Variants in PITPNM3 observed in about 807,000 individuals in gnomAD.
PITPNM3 encodes the protein PITPNM family member 3.
In PITPNM3, 26 loss-of-function variants were observed where a neutral mutation model predicts 102.0. The ratio of observed to expected loss-of-function variants is 0.25; its 90% CI spans 0.19 to 0.35. The LOEUF (loss-of-function observed/expected upper bound fraction) is 0.35, where lower values mean the gene tolerates loss of function less well. PITPNM3 is among the 10% of genes least tolerant of loss of function. PITPNM3 has a pLI of 1.00. For synonymous variants in PITPNM3, 578 were observed against 558.6 expected, an observed-to-expected ratio of 1.03 and a Z score of -0.49; for missense variants, 1,083 against 1,346.1, an observed-to-expected ratio of 0.80 and a Z score of 3.06.
Position 6,470,543 on chromosome 17 carries a change from C to T in PITPNM3, c.1625-135G>A, listed in dbSNP as rs1371617266. 8.6e-7 allele frequency: 1 copy of T among 1,169,444 alleles called. No individual in the cohort carries two copies. Among genetic ancestry groups the T allele is most frequent in the East Asian group, 2.4e-5 (1 of 40,990 alleles). 72.4% of individuals were successfully genotyped at this position (1,169,444 alleles called of 1,614,324 possible). ...CGGGTTTGGGCGGGAGCACCCTGGC[C>T]TGGAGGAGGCCTGGGGAACGCGCTG... On this transcript the variant is annotated intron_variant, in intron 12 of 19. Coordinates refer to ENST00000262483, the MANE Select transcript of PITPNM3 (RefSeq NM_031220.4). The surrounding 1 kb of genome is among the most constrained non-coding windows in gnomAD (Gnocchi z 4.8).
chr17:6,503,700 T>G (rs1567679255), intron 3 of PITPNM3, 126 bp from the exon 4 acceptor site: 2 of 932,340 alleles, frequency 2.1e-6, no homozygotes, highest in Non-Finnish European at 1.7e-6. Flanking sequence ...CAGAAGTATC[T>G]CCTACCACTT....
chr17:6,484,092 C>T, intron 5 of PITPNM3, 124 bp downstream of exon 5: 1 of 1,122,406 alleles, frequency 8.9e-7, no homozygotes, highest in Non-Finnish European at 1.3e-6. Flanking sequence ...CACAGACCCA[C>T]CCAGGGTCAC....
intron 2 of PITPNM3, among the ~76,000 whole-genome samples, chr17:6,528,064 C>T (rs1908934806): frequency 6.6e-6 from 1 of 152,204 alleles, no homozygotes; most frequent in South Asian, 2.1e-4. Flanking sequence ...CAGAGTCTCA[C>T]CGTGCTTCTC....
intron 1 of PITPNM3, among the ~76,000 whole-genome samples, chr17:6,553,011 C>G (rs963175534): frequency 1.4e-4 from 21 of 151,784 alleles, no homozygotes; most frequent in African/African-American, 4.6e-4. Flanking sequence ...ACCTCGTGAT[C>G]TGCCCGCCTC....
chr17:6,462,291 CTCTG>C (rs148895699), intron 17 of PITPNM3, among the ~76,000 whole-genome samples: 255 of 152,278 alleles, frequency 1.7e-3, no homozygotes, highest in African/African-American at 6.0e-3. Context: ...CCCAGCACTC[CTCTG>C]TCTAACAGCA....
intron 4 of PITPNM3, among the ~76,000 whole-genome samples, chr17:6,493,971 G>A (rs1189806224): frequency 6.6e-6 from 1 of 152,206 alleles, no homozygotes; most frequent in African/African-American, 2.4e-5. Flanking sequence ...CTGCCACCAC[G>A]ACACAGGGAT....
At chr17:6,549,453 G>C (rs1026661147) in intron 1 of PITPNM3, among the ~76,000 whole-genome samples, 8 of 152,200 alleles carry the variant, frequency 5.3e-5, no homozygotes, top group African/African-American at 1.4e-4. Context: ...GGCTGTGTGG[G>C]GCCCCAGTGC....
At position 6,483,660 on chromosome 17, in the gene PITPNM3, G is replaced by C. The variant is rs772757936; in HGVS notation, c.444C>G (p.Ser148=). Residue 148 remains serine, a synonymous_variant, in exon 6 of 20, where the codon TCC becomes TCG. Coordinates refer to ENST00000262483, the MANE Select transcript of PITPNM3 (RefSeq NM_031220.4). ...NILDTGAGDP[S]CKAADIHTFS... is the part of the protein sequence containing the mutation. ...AGGTGTGGATGTCGGCTGCCTTGCA[G>C]GACGGGTCCCCGGCACCCGTGTCCA... 2 of 1,612,848 alleles carry C rather than the reference G, an allele frequency of 1.2e-6. No homozygotes were observed. Among genetic ancestry groups the C allele is most frequent in the Admixed American group, 3.3e-5 (2 of 59,912 alleles).
intron 6 of PITPNM3, chr17:6,481,750 A>C (rs189660361): frequency 2.0e-5 from 3 of 149,456 alleles, no homozygotes; most frequent in Non-Finnish European, 1.5e-5. Flanking sequence ...ATAGATAGAT[A>C]GATAGATAGA....
intron 11 of PITPNM3, 59 bp from the exon 12 acceptor site, chr17:6,471,414 C>G: frequency 7.0e-7 from 1 of 1,420,340 alleles, no homozygotes; most frequent in Non-Finnish European, 9.4e-7. Context: ...GCTGCCCACT[C>G]AGTGCCAGCC....
At position 6,478,980 on chromosome 17, in the gene PITPNM3, C is replaced by T; in HGVS notation, c.588-244G>A. 3 of 560,528 alleles carry T rather than the reference C, an allele frequency of 5.4e-6. No homozygotes were observed. The allele number at this position is 560,528 out of a possible 1,614,324, so 34.7% of individuals were successfully genotyped here. ...CCCGTGCTGGCCATGGGTGTGGGCC[C>T]TGGGGTCCCTGTGACTGCAGTCTCT... On this transcript the variant is annotated intron_variant, in intron 6 of 19. Transcript: ENST00000262483. The surrounding 1 kb of genome is among the most constrained non-coding windows in gnomAD (Gnocchi z 4.4).
intron 3 of PITPNM3, among the ~76,000 whole-genome samples, chr17:6,513,900 T>A (rs1448152395): frequency 6.6e-6 from 1 of 152,208 alleles, no homozygotes; most frequent in East Asian, 1.9e-4. Context: ...TGTACAGTAA[T>A]CAAGACTGTG....
At chr17:6,484,151 C>T (rs564456679) in intron 5 of PITPNM3, 65 bp downstream of exon 5, 10 of 1,497,634 alleles carry the variant, frequency 6.7e-6, no homozygotes, top group East Asian at 2.3e-5. Flanking sequence ...GCCTATGATC[C>T]GAGGGCTCTT....
intron 4 of PITPNM3, among the ~76,000 whole-genome samples, chr17:6,489,513 A>AGCCCAGGTCACCT (rs1447430006): frequency 4.6e-5 from 7 of 151,000 alleles, no homozygotes; most frequent in Non-Finnish European, 7.4e-5. Context: ...CCAGGTCACC[A>AGCCCAGGTCACCT]GGCCAGGGCT....
intron 18 of PITPNM3, among the ~76,000 whole-genome samples, chr17:6,460,015 A>G (rs1340054834): frequency 6.6e-6 from 1 of 152,044 alleles, no homozygotes; most frequent in African/African-American, 2.4e-5. Flanking sequence ...GGATCTTTCT[A>G]TAAGCCAAAT....
intron 1 of PITPNM3, among the ~76,000 whole-genome samples, chr17:6,551,546 C>A (rs1045735249): frequency 6.6e-6 from 1 of 151,940 alleles, no homozygotes; most frequent in Non-Finnish European, 1.5e-5. Flanking sequence ...CAGAGTCATG[C>A]CTCAAATCCT....
At chr17:6,462,729 T>G (rs1904528554) in intron 17 of PITPNM3, among the ~76,000 whole-genome samples, 1 of 152,158 alleles carries the variant, frequency 6.6e-6, no homozygotes, top group Non-Finnish European at 1.5e-5. Flanking sequence ...GTTCTAAAAC[T>G]GGATGATGAT....
In PITPNM3 at chr17:6,471,497, C is replaced by T. The variant is rs540946601; in HGVS notation, c.1430-142G>A. The T allele has an allele frequency of 8.4e-6, 7 of 831,470 alleles. No homozygotes were observed. In the South Asian group the frequency reaches 1.1e-4, roughly 13 times the overall value. The allele number at this position is 831,470 out of a possible 1,614,324, so 51.5% of individuals were successfully genotyped here. A position where few individuals can be genotyped will look rare whatever the true frequency, so the allele number is the denominator to read the frequency against. On this transcript the variant is annotated intron_variant, in intron 11 of 19. Coordinates refer to ENST00000262483, the MANE Select transcript of PITPNM3 (RefSeq NM_031220.4). ...TGCTCACTTGCCAGCCCAGCAGGCA[C>T]CTGCCCCTCTCACTGTGCCCACCCC...
rs200905881 is a variant in PITPNM3 at position 6,451,881 on chromosome 17, C to CA, written c.*3456_*3457insT. The CA allele has an allele frequency of 8.1e-5, 3 of 37,106 alleles. 1 individual carries two copies. Among genetic ancestry groups the CA allele is most frequent in the Non-Finnish European group, 1.8e-4 (3 of 16,760 alleles). The allele number at this position is 37,106 out of a possible 1,614,324, so 2.3% of individuals were successfully genotyped here. On this transcript the variant is annotated 3_prime_UTR_variant, in exon 20 of 20. Coordinates refer to ENST00000262483, the MANE Select transcript of PITPNM3 (RefSeq NM_031220.4). ...GGGCACTTGGCACCCAAACCCCCCC[C>CA]CCCCGCCCGCCGATGGGATTCGGTG...
Sources: allele counts gnomAD v4.1 joint callset (sites outside exome capture counted in the v4.1 genomes callset), GRCh38; gene constraint gnomAD v4.1.1; non-coding constraint Gnocchi (gnomAD v3.1); transcripts MANE v1.5; gene names NCBI Gene and HGNC (gene_info 2026-07-23, HGNC 2026-07-21).